Variants in PTPRZ1 observed in about 807,000 individuals in gnomAD.
PTPRZ1 encodes protein tyrosine phosphatase receptor type Z1, also known as receptor-type tyrosine-protein phosphatase zeta.
A neutral mutation model predicts 214.1 loss-of-function variants in PTPRZ1; 82 were observed. The observed-to-expected ratio is 0.38, with a 90% confidence interval of 0.32 to 0.46. PTPRZ1 has a LOEUF of 0.46. Among genes scored for constraint, PTPRZ1 ranks in the 20% least tolerant of loss-of-function variants. The pLI, the probability that PTPRZ1 is intolerant of heterozygous loss-of-function variation, is 1.00. For synonymous variants in PTPRZ1, 945 were observed against 987.9 expected, an observed-to-expected ratio of 0.96 and a Z score of 0.81; for missense variants, 2,603 against 2,748.7, an observed-to-expected ratio of 0.95 and a Z score of 1.19.
In PTPRZ1 at chr7:121,945,831, C is replaced by G. The variant is rs375406478; in HGVS notation, c.124+17610C>G. On this transcript the variant is annotated intron_variant, in intron 2 of 29. Coordinates refer to ENST00000393386, the MANE Select transcript of PTPRZ1 (RefSeq NM_002851.3). ...AAACTCCTCGTAGTTTAAAGACAGC[C>G]TCTTCTCCACCTCCCTAGGAAGAAT... Among the ~76,000 whole-genome samples the G allele has an allele frequency of 1.6e-4, 24 of 152,278 alleles. No homozygotes were observed. The East Asian group carries it at 3.5e-3, about 22-fold the overall frequency.
chr7:121,892,264 G>A (rs1794653099), intron 1 of PTPRZ1, among the ~76,000 whole-genome samples: 1 of 151,952 alleles, frequency 6.6e-6, no homozygotes, highest in Admixed American at 6.6e-5. Context: ...AAAATTATTT[G>A]GTTACAACGT....
chr7:122,016,890 G>A (rs1349377297), intron 12 of PTPRZ1, among the ~76,000 whole-genome samples: 1 of 151,878 alleles, frequency 6.6e-6, no homozygotes, highest in East Asian at 1.9e-4. Flanking sequence ...CTTTAACATA[G>A]ATCAAAATCA....
At chr7:121,907,822 G>T (rs1795161813) in intron 1 of PTPRZ1, among the ~76,000 whole-genome samples, 1 of 151,876 alleles carries the variant, frequency 6.6e-6, no homozygotes, top group South Asian at 2.1e-4. Flanking sequence ...TTTCAAATGT[G>T]TAATTTAATG....
chr7:122,047,099 G>T (rs1166393875), intron 23 of PTPRZ1, among the ~76,000 whole-genome samples: 1 of 152,148 alleles, frequency 6.6e-6, no homozygotes, highest in Non-Finnish European at 1.5e-5. Flanking sequence ...AACAGAGATG[G>T]CAAGTGCTAA....
At chr7:121,949,318 C>T (rs939526229) in intron 2 of PTPRZ1, among the ~76,000 whole-genome samples, 2 of 152,152 alleles carry the variant, frequency 1.3e-5, no homozygotes, top group African/African-American at 2.4e-5. Context: ...AAGCAGTTCC[C>T]AGCTTGACTT....
rs945179482 is a variant in PTPRZ1 at position 122,061,132 on chromosome 7, A to G, written c.6860A>G (p.Gln2287Arg). The G allele has an allele frequency of 6.2e-7, 1 of 1,609,552 alleles. No homozygotes were observed. The highest frequency in any genetic ancestry group is 8.5e-7 in the Non-Finnish European group (1 of 1,176,922). Residue 2287 changes from glutamine to arginine, a missense_variant, in exon 30 of 30, where the codon CAG (glutamine) becomes CGG (arginine). This residue lies in a region of PTPRZ1 where 165 missense variants were observed against 151.4 expected (regional missense o/e 1.09). Coordinates refer to ENST00000393386, the MANE Select transcript of PTPRZ1 (RefSeq NM_002851.3). ...ATCCTCAGCCTTGTGAGCACAAGGCAGGAAGAGAATCCATCCACCTCTCTG... is the reference window on the plus strand; with the variant it reads ...ATCCTCAGCCTTGTGAGCACAAGGCGGGAAGAGAATCCATCCACCTCTCTG... ...KVILSLVSTR[Q>R]EENPSTSLDS...
At chr7:121,989,713 C>A (rs1010223918) in intron 8 of PTPRZ1, among the ~76,000 whole-genome samples, 7 of 152,130 alleles carry the variant, frequency 4.6e-5, no homozygotes, top group African/African-American at 1.7e-4. Flanking sequence ...TCCTTCGGAA[C>A]TGAATTTGAG....
At position 122,058,924 on chromosome 7, in the gene PTPRZ1, C is replaced by A; in HGVS notation, c.6653C>A (p.Pro2218His). 5 of 1,589,396 alleles carry A rather than the reference C, an allele frequency of 3.1e-6. No homozygotes were observed. The highest frequency in any genetic ancestry group is 4.3e-6 in the Non-Finnish European group (5 of 1,158,542). ...IKEEAANRDG[P>H]MIVHDEHGGV... ...GAAGAAGCTGCCAATAGGGATGGGC[C>A]TATGATTGTTCATGATGAGTAAGTT... The change falls in exon 28 of 30, where the codon CCT (proline) becomes CAT (histidine). Residue 2218 changes from proline (P) to histidine (H), a missense_variant. This residue lies in a region of PTPRZ1 where 165 missense variants were observed against 151.4 expected (regional missense o/e 1.09). Coordinates refer to ENST00000393386, the MANE Select transcript of PTPRZ1 (RefSeq NM_002851.3).
intron 1 of PTPRZ1, among the ~76,000 whole-genome samples, chr7:121,892,140 G>T (rs753037346): frequency 1.3e-5 from 2 of 151,996 alleles, no homozygotes; most frequent in Non-Finnish European, 2.9e-5. Context: ...TTTGGGGTTG[G>T]GCTGTTCCTT....
At chr7:121,901,674 G>C (rs147116475) in intron 1 of PTPRZ1, among the ~76,000 whole-genome samples, 37 of 152,214 alleles carry the variant, frequency 2.4e-4, no homozygotes, top group Admixed American at 5.9e-4. Flanking sequence ...GCCTATCAGA[G>C]TGTAGAAGAT....
intron 12 of PTPRZ1, among the ~76,000 whole-genome samples, chr7:122,014,400 A>G (rs1329690873): frequency 6.6e-6 from 1 of 152,066 alleles, no homozygotes; most frequent in Admixed American, 6.6e-5. Context: ...CCACATTCAT[A>G]TCAGCTTGGG....
intron 1 of PTPRZ1, among the ~76,000 whole-genome samples, chr7:121,911,664 C>A (rs1029683811): frequency 2.0e-5 from 3 of 151,950 alleles, no homozygotes; most frequent in African/African-American, 7.2e-5. Flanking sequence ...AGAGCCTCTT[C>A]CTTTTCTGAA....
At chr7:121,893,168 A>G (rs1370705768) in intron 1 of PTPRZ1, among the ~76,000 whole-genome samples, 2 of 152,146 alleles carry the variant, frequency 1.3e-5, no homozygotes, top group Admixed American at 6.5e-5. Context: ...TTTGAATCTA[A>G]AATATACTGA....
At chr7:121,969,542 C>T in intron 3 of PTPRZ1, among the ~76,000 whole-genome samples, 1 of 117,236 alleles carries the variant, frequency 8.5e-6, no homozygotes, top group Non-Finnish European at 1.7e-5. Context: ...GCCTGGGCAA[C>T]AAGAGCGAAA....
chr7:121,950,620 A>C (rs1214281607), intron 2 of PTPRZ1, among the ~76,000 whole-genome samples: 1 of 152,210 alleles, frequency 6.6e-6, no homozygotes, highest in Non-Finnish European at 1.5e-5. Context: ...AAATTTCTAC[A>C]CTGAATATTA....
At chr7:121,995,189 A>G (rs909753285) in intron 8 of PTPRZ1, among the ~76,000 whole-genome samples, 3 of 152,184 alleles carry the variant, frequency 2.0e-5, no homozygotes, top group African/African-American at 4.8e-5. Flanking sequence ...ACTAGCAGAG[A>G]CAAGTCATTT....
intron 1 of PTPRZ1, among the ~76,000 whole-genome samples, chr7:121,879,921 T>C (rs939660984): frequency 1.3e-5 from 2 of 152,134 alleles, no homozygotes; most frequent in Non-Finnish European, 2.9e-5. Flanking sequence ...AGCTTCACTT[T>C]CTTTTAGCAT....
chr7:121,993,572 C>CAAAAAAAAAAAAAAA (rs66916301), intron 8 of PTPRZ1, among the ~76,000 whole-genome samples: 7 of 73,600 alleles, frequency 9.5e-5, no homozygotes, highest in African/African-American at 2.7e-4. Flanking sequence ...GAGACTGTCT[C>CAAAAAAAAAAAAAAA]AAAAAAAAAA....
At chr7:121,996,684 T>C in intron 9 of PTPRZ1, 118 bp downstream of exon 9, 1 of 752,378 alleles carries the variant, frequency 1.3e-6, no homozygotes. Flanking sequence ...TATGTGAAGG[T>C]GGGGTAGGCT....
Sources: allele counts gnomAD v4.1 joint callset (sites outside exome capture counted in the v4.1 genomes callset), GRCh38; gene constraint gnomAD v4.1.1; regional missense constraint gnomAD v4.1.1; transcripts MANE v1.5; gene names NCBI Gene and HGNC (gene_info 2026-07-23, HGNC 2026-07-21).